The following USP6 variants were observed in gnomAD, a reference collection of about 807,000 sequenced individuals.
USP6 encodes the protein ubiquitin carboxyl-terminal hydrolase 6.
Under a neutral mutation model 175.7 loss-of-function variants are expected in USP6, and 128 were observed. That is an observed-to-expected ratio of 0.73 (90% CI 0.63 to 0.84). The LOEUF (loss-of-function observed/expected upper bound fraction) is 0.84. Ranked by LOEUF, USP6 falls within the 40% of genes least tolerant of loss-of-function variation. The pLI is 0.00. For synonymous variants in USP6, 562 were observed against 630.6 expected (o/e 0.89, Z 1.63); for missense variants, 1,498 against 1,760.3 (o/e 0.85, Z 2.67).
chr17:5,137,611 C>T, intron 19 of USP6, 40 bp from the exon 20 acceptor site: 1 of 1,589,058 alleles, frequency 6.3e-7, no homozygotes, highest in Non-Finnish European at 8.6e-7. Context: ...CAGCCCCAGC[C>T]TGGAAGGGCC....
chr17:5,163,995 G>A (rs2022230692), intron 33 of USP6, among the ~76,000 whole-genome samples: 3 of 152,158 alleles, frequency 2.0e-5, no homozygotes, highest in African/African-American at 7.2e-5. Flanking sequence ...CTTGCCTCAG[G>A]CAGTTTTTAA....
intron 6 of USP6, among the ~76,000 whole-genome samples, chr17:5,126,483 G>C (rs1026986539): frequency 9.9e-5 from 15 of 152,248 alleles, no homozygotes; most frequent in Non-Finnish European, 2.2e-4. Context: ...TTGTATGTGT[G>C]GTTAGGTGAC....
intron 11 of USP6, 36 bp downstream of exon 11, chr17:5,130,720 C>T: frequency 1.2e-6 from 2 of 1,609,670 alleles, no homozygotes; most frequent in East Asian, 2.2e-5. Flanking sequence ...ACCCCTAAAG[C>T]AGCTGTCTCA....
chr17:5,171,658 T>C lies in USP6; in HGVS notation c.4026T>C (p.Cys1342=), dbSNP rs1345368490. Residue 1342 remains cysteine, a synonymous_variant, in exon 37 of 38, where the codon TGT becomes TGC. Coordinates refer to ENST00000574788, the MANE Select transcript of USP6 (RefSeq NM_001304284.2). ...YAKNPNCKWY[C]YNDSSCEELH... ...AAAACCCAAACTGCAAGTGGTACTG[T>C]TATAATGACAGCAGCTGTGAGGTAA... The C allele has an allele frequency of 2.5e-6, 4 of 1,613,726 alleles. No homozygotes were observed. In the South Asian group the frequency reaches 3.3e-5, roughly 13 times the overall value.
chr17:5,135,067 G>A (rs772548271), intron 15 of USP6, 167 bp from the exon 16 acceptor site: 2 of 748,498 alleles, frequency 2.7e-6, no homozygotes, highest in Non-Finnish European at 2.3e-6. Context: ...TGTCACAGAT[G>A]TGGATTTTAC....
intron 32 of USP6, among the ~76,000 whole-genome samples, chr17:5,161,879 G>T (rs757059816): frequency 1.9e-4 from 29 of 152,236 alleles, no homozygotes; most frequent in South Asian, 6.2e-4. Flanking sequence ...GGGCATGGTG[G>T]TGTGTGCCTG....
intron 30 of USP6, among the ~76,000 whole-genome samples, chr17:5,153,954 C>T (rs1387688757): frequency 6.6e-6 from 1 of 152,158 alleles, no homozygotes; most frequent in Non-Finnish European, 1.5e-5. Flanking sequence ...GCACCTGGCC[C>T]TGGCTTGAAG....
chr17:5,170,768 A>T lies in USP6; in HGVS notation c.3807A>T (p.Gly1269=). ...PQDHEVALAN[G]FLYEHEACGN... ...ACCATGAGGTAGCTTTGGCCAATGGATTCCTTTATGAGCATGAAGCATGTG... is the reference window on the plus strand; with the variant it reads ...ACCATGAGGTAGCTTTGGCCAATGGTTTCCTTTATGAGCATGAAGCATGTG... Residue 1269 remains glycine, a synonymous_variant, in exon 36 of 38, where the codon GGA becomes GGT. Coordinates refer to ENST00000574788, the MANE Select transcript of USP6 (RefSeq NM_001304284.2). 6.2e-7 allele frequency: 1 copy of T among 1,613,922 alleles called. No individual in the cohort carries two copies. Among genetic ancestry groups the T allele is most frequent in the Non-Finnish European group, 8.5e-7 (1 of 1,179,864 alleles).
chr17:5,168,112 C>T lies in USP6; in HGVS notation c.3217C>T (p.Pro1073Ser). Residue 1073 changes from proline to serine, a missense_variant, in exon 34 of 38, where the codon CCA becomes TCA. Physicochemically the swap from Pro to Ser is moderately conservative, Grantham distance 74. Coordinates refer to ENST00000574788, the MANE Select transcript of USP6 (RefSeq NM_001304284.2). ...AAAGAAGCTGGATCTCTGGAGGCTT[C>T]CACCCTTCCTGGTATGTTACGGTCC... ...ATKKLDLWRL[P>S]PFLIIHLKRF... 6.2e-7 allele frequency: 1 copy of T among 1,607,030 alleles called. No individual in the cohort carries two copies. The highest frequency in any genetic ancestry group is 1.3e-5 in the African/African-American group (1 of 74,888).
At chr17:5,151,269 C>CTA (rs2073762754) in intron 30 of USP6, among the ~76,000 whole-genome samples, 2 of 151,970 alleles carry the variant, frequency 1.3e-5, no homozygotes, top group African/African-American at 4.8e-5. Context: ...CATAAGACAT[C>CTA]TATATAGAAA....
Position 5,170,426 on chromosome 17 carries a change from G to C in USP6, c.3518-53G>C, listed in dbSNP as rs1283281455. 3.2e-6 allele frequency: 5 copies of C among 1,541,632 alleles called. No individual in the cohort carries two copies. The East Asian group carries it at 9.0e-5, about 28-fold the overall frequency. The stretch of plus-strand genomic sequence containing the variant: ...ACCTCGGAGTTAGCATTTGGGGCTG[G>C]CTTACTTTCTGGCATTTGGATTTGT... On this transcript the variant is annotated intron_variant, in intron 35 of 37. Coordinates refer to ENST00000574788, the MANE Select transcript of USP6 (RefSeq NM_001304284.2).
At position 5,130,085 on chromosome 17, in the gene USP6, G is replaced by A. The variant is rs1003193394; in HGVS notation, c.-6G>A. ...AGGTGGACACCATTCAACCTGCCGG[G>A]GCAGGTGTGTGCCCATTTCATGGCA... On this transcript the variant is annotated 5_prime_UTR_variant, in exon 9 of 38. Coordinates refer to ENST00000574788, the MANE Select transcript of USP6 (RefSeq NM_001304284.2). 5 of 440,746 alleles carry A rather than the reference G, an allele frequency of 1.1e-5. No individual in the cohort carries two copies. Among genetic ancestry groups the A allele is most frequent in the Non-Finnish European group, 2.1e-5 (5 of 237,804 alleles). The allele number at this position is 440,746 out of a possible 1,614,324, so 27.3% of individuals were successfully genotyped here.
At chr17:5,171,189 A>G (rs2074209580) in intron 36 of USP6, among the ~76,000 whole-genome samples, 1 of 152,014 alleles carries the variant, frequency 6.6e-6, no homozygotes, top group Non-Finnish European at 1.5e-5. Context: ...TAATTTTAAA[A>G]TGGAGCGAGG....
intron 32 of USP6, among the ~76,000 whole-genome samples, chr17:5,162,297 G>A (rs2074019460): frequency 2.0e-5 from 3 of 151,844 alleles, no homozygotes; most frequent in Non-Finnish European, 1.5e-5. Flanking sequence ...GACTACAGTT[G>A]CACACCACTG....
intron 30 of USP6, among the ~76,000 whole-genome samples, chr17:5,154,638 C>T (rs2073841993): frequency 6.6e-6 from 1 of 151,876 alleles, no homozygotes; most frequent in South Asian, 2.1e-4. Context: ...CACAAATCTC[C>T]AAAACTTTGG....
intron 17 of USP6, 108 bp from the exon 18 acceptor site, chr17:5,136,532 G>A (rs569993762): frequency 3.8e-5 from 52 of 1,364,840 alleles, no homozygotes; most frequent in Admixed American, 2.8e-4. Context: ...ATGGGAGGGC[G>A]GGAGGCCTTG....
In USP6 at chr17:5,139,199, C is replaced by A. The variant is rs771003433; in HGVS notation, c.1079-56C>A. On this transcript the variant is annotated intron_variant, in intron 21 of 37. Coordinates refer to ENST00000574788, the MANE Select transcript of USP6 (RefSeq NM_001304284.2). ...AGATGCAGGCAGGTGGGGCCCAGCC[C>A]GGAAAGGCCTGCATGGGCTCACTGG... The A allele has an allele frequency of 6.9e-6, 11 of 1,598,382 alleles. No homozygotes were observed. The South Asian group carries it at 1.2e-4, about 18-fold the overall frequency.
At chr17:5,150,147 C>T (rs1375476227) in intron 30 of USP6, among the ~76,000 whole-genome samples, 1 of 152,072 alleles carries the variant, frequency 6.6e-6, no homozygotes, top group East Asian at 1.9e-4. Flanking sequence ...CAACAATCAG[C>T]CAGGCATGGT....
intron 36 of USP6, 96 bp from the exon 37 acceptor site, chr17:5,171,491 T>C: frequency 1.7e-6 from 2 of 1,166,900 alleles, no homozygotes; most frequent in Non-Finnish European, 2.4e-6. Context: ...ATTGATCATT[T>C]ACATGATCAG....
Sources: allele counts gnomAD v4.1 joint callset (sites outside exome capture counted in the v4.1 genomes callset), GRCh38; gene constraint gnomAD v4.1.1; transcripts MANE v1.5; gene names NCBI Gene and HGNC (gene_info 2026-07-23, HGNC 2026-07-21).